Variants in ZNF718 observed in about 807,000 individuals in gnomAD.
The protein encoded by ZNF718 is zinc finger protein 718.
ZNF718 carries 3 observed loss-of-function variants against 2.6 expected under a neutral mutation model. That is an observed-to-expected ratio of 1.16 (90% CI 0.53 to 3.01). ZNF718 has a LOEUF of 3.01. Among genes scored for constraint, ZNF718 ranks in the 30% most tolerant of loss-of-function variants. The pLI is 0.03. For synonymous variants in ZNF718, 135 were observed against 77.9 expected (o/e 1.73, Z -3.86); for missense variants, 468 against 230.0 (o/e 2.03, Z -6.69).
At chr4:153,345 G>T (rs1716420911) in intron 3 of ZNF718, among the ~76,000 whole-genome samples, 1 of 152,066 alleles carries the variant, frequency 6.6e-6, no homozygotes, top group Non-Finnish European at 1.5e-5. Context: ...GTCAGGTAGT[G>T]TGATGTCTCC....
intron 3 of ZNF718, among the ~76,000 whole-genome samples, chr4:139,509 A>G (rs1715717526): frequency 6.6e-6 from 1 of 152,208 alleles, no homozygotes; most frequent in Admixed American, 6.5e-5. Context: ...CCATTTACAT[A>G]GGGCATACTA....
chr4:195,722 C>T lies in ZNF718; in HGVS notation c.227-5359C>T, dbSNP rs921849388. Among the ~76,000 whole-genome samples the T allele has an allele frequency of 7.9e-5, 12 of 152,208 alleles. 1 individual carries two copies. The South Asian group carries it at 1.0e-3, about 13-fold the overall frequency. On this transcript the variant is annotated intron_variant and NMD_transcript_variant, in intron 3 of 4. Coordinates refer to the ZNF718 transcript ENST00000642529. ...AGATTGAATGCATTTGGCCCATCCA[C>T]GGGTTACTGGGTTAAGAATTTTTTA...
rs910741147 is a variant in ZNF718, at chr4:162,941, A to G, written c.*819A>G. 1.4e-4 allele frequency: 21 copies of G among 152,302 alleles called. No individual in the cohort carries two copies. In the East Asian group the frequency reaches 3.9e-3, roughly 28 times the overall value. 9.4% of individuals were successfully genotyped at this position (152,302 alleles called of 1,614,324 possible). ...TACAGTATATCAGAGTGTAAAGTAT[A>G]AAAAAATTCCAAAGCTGAAACTGTT... On this transcript the variant is annotated 3_prime_UTR_variant, in exon 4 of 4. Transcript: ENST00000510175.
At chr4:187,761 G>A (rs1717598069) in intron 3 of ZNF718, among the ~76,000 whole-genome samples, 1 of 151,910 alleles carries the variant, frequency 6.6e-6, no homozygotes, top group Middle Eastern at 3.4e-3. Flanking sequence ...CTGTGTTTTG[G>A]TAGAGCAACT....
At chr4:187,957 C>T (rs1553820644) in intron 3 of ZNF718, among the ~76,000 whole-genome samples, 1 of 152,174 alleles carries the variant, frequency 6.6e-6, no homozygotes, top group African/African-American at 2.4e-5. Context: ...GCAGGAAGCC[C>T]TGGCTGGGAG....
chr4:138,896 G>A (rs1715690396), intron 3 of ZNF718, among the ~76,000 whole-genome samples: 1 of 152,070 alleles, frequency 6.6e-6, no homozygotes, highest in Non-Finnish European at 1.5e-5. Context: ...AAATAATGTT[G>A]AGCACCCTGT....
At chr4:173,313 G>A (rs914216766) in intron 3 of ZNF718, among the ~76,000 whole-genome samples, 3 of 151,920 alleles carry the variant, frequency 2.0e-5, no homozygotes, top group South Asian at 2.1e-4. Flanking sequence ...TATTACCTTC[G>A]TTAATACAAA....
intron 3 of ZNF718, among the ~76,000 whole-genome samples, chr4:179,698 T>A (rs1388150103): frequency 6.6e-6 from 1 of 152,212 alleles, no homozygotes; most frequent in Non-Finnish European, 1.5e-5. Flanking sequence ...GATGTATCAT[T>A]GTCAAGTTGG....
chr4:196,850 C>T (rs1717801564), intron 3 of ZNF718, among the ~76,000 whole-genome samples: 1 of 151,934 alleles, frequency 6.6e-6, no homozygotes, highest in South Asian at 2.1e-4. Flanking sequence ...AACTGGCTGA[C>T]AGGTGCCCAG....
intron 3 of ZNF718, among the ~76,000 whole-genome samples, chr4:195,898 GA>G (rs1717780954): frequency 6.6e-6 from 1 of 152,052 alleles, no homozygotes; most frequent in Admixed American, 6.6e-5. Context: ...GCTTTTAAAG[GA>G]ATAGGGCACA....
chr4:169,261 T>C (rs1043060525), intron 3 of ZNF718, among the ~76,000 whole-genome samples: 4 of 152,184 alleles, frequency 2.6e-5, no homozygotes, highest in Admixed American at 1.3e-4. Flanking sequence ...GAGGAGTGCT[T>C]TACTTCCAAC....
At chr4:138,693 A>C (rs1265474764) in intron 3 of ZNF718, among the ~76,000 whole-genome samples, 2 of 151,984 alleles carry the variant, frequency 1.3e-5, no homozygotes, top group African/African-American at 4.8e-5. Context: ...TCATTTTTTG[A>C]GGAACCTCTA....
intron 3 of ZNF718, among the ~76,000 whole-genome samples, chr4:181,021 A>G (rs1486593251): frequency 2.0e-5 from 3 of 151,974 alleles, no homozygotes; most frequent in African/African-American, 7.2e-5. Context: ...ATGAAGTAGT[A>G]TTCTTTATTT....
At chr4:151,050 GTTTTC>G (rs1553812415) in intron 3 of ZNF718, among the ~76,000 whole-genome samples, 1 of 151,774 alleles carries the variant, frequency 6.6e-6, no homozygotes, top group African/African-American at 2.4e-5. Flanking sequence ...AACTGTATTT[GTTTTC>G]TTTTCTATAC....
downstream of ZNF718, among the ~76,000 whole-genome samples, chr4:166,521 G>A (rs1297554218): frequency 6.6e-6 from 1 of 152,154 alleles, no homozygotes; most frequent in Non-Finnish European, 1.5e-5. Context: ...GTTGTTTTCT[G>A]ACTTTTTAAT....
At chr4:156,883 C>T (rs1716590073) in intron 3 of ZNF718, among the ~76,000 whole-genome samples, 1 of 152,082 alleles carries the variant, frequency 6.6e-6, no homozygotes, top group African/African-American at 2.4e-5. Context: ...GCTTCAGTAA[C>T]AGTGCTGCAA....
Position 162,578 on chromosome 4 carries a change from TGAA to T in ZNF718, c.*462_*464del, listed in dbSNP as rs1188532210. 1 of 153,938 alleles carries T rather than the reference TGAA, an allele frequency of 6.5e-6. No individual in the cohort carries two copies. Among genetic ancestry groups the T allele is most frequent in the Non-Finnish European group, 1.4e-5 (1 of 69,256 alleles). 9.5% of individuals were successfully genotyped at this position (153,938 alleles called of 1,614,324 possible). ...TATTAGAAAATACAGGTCTTAAAAGTGAAGAAGAGTATTCTGAAGATAGACAAT... is the reference window on the plus strand; with the variant it reads ...TATTAGAAAATACAGGTCTTAAAAGTGAAGAGTATTCTGAAGATAGACAAT... On this transcript the variant is annotated 3_prime_UTR_variant, in exon 4 of 4. Transcript: ENST00000510175.
intron 3 of ZNF718, among the ~76,000 whole-genome samples, chr4:151,905 C>T (rs2108796001): frequency 6.6e-6 from 1 of 150,858 alleles, no homozygotes; most frequent in Admixed American, 6.6e-5. Flanking sequence ...TCTGAGTTCC[C>T]TTAGTATTTA....
intron 3 of ZNF718, among the ~76,000 whole-genome samples, chr4:179,146 C>A (rs1553819483): frequency 6.6e-6 from 1 of 152,042 alleles, no homozygotes; most frequent in Admixed American, 6.6e-5. Flanking sequence ...AGAGTCTGAC[C>A]TTTTCTTCAC....
Sources: gnomAD v4.1 joint callset for allele counts (sites outside exome capture counted in the v4.1 genomes callset) on GRCh38, gnomAD v4.1.1 for gene constraint, MANE v1.5 for transcripts, NCBI Gene and HGNC (gene_info 2026-07-23, HGNC 2026-07-21) for gene names.